Variants in TBC1D5 observed in about 807,000 individuals in gnomAD.
TBC1D5 encodes TBC1 domain family member 5, also known as TBC1 domain family, member 5.
TBC1D5 carries 75 observed loss-of-function variants against 100.3 expected under a neutral mutation model. That is an observed-to-expected ratio of 0.75 (90% confidence interval 0.62 to 0.91). The LOEUF (loss-of-function observed/expected upper bound fraction) is 0.91, where lower values mean the gene tolerates loss of function less well. TBC1D5 is among the 40% of genes least tolerant of loss of function. The pLI is 0.00. For synonymous variants in TBC1D5, 323 were observed against 325.6 expected (o/e 0.99, Z 0.09); for missense variants, 910 against 942.4 (o/e 0.97, Z 0.45).
chr3:17,213,151 C>T (rs1327134690), intron 18 of TBC1D5, among the ~76,000 whole-genome samples: 1 of 152,126 alleles, frequency 6.6e-6, no homozygotes, highest in Non-Finnish European at 1.5e-5. Flanking sequence ...AAATACTTAA[C>T]ATTGTGTTAT....
At chr3:17,504,265 C>G (rs1481557714) in intron 3 of TBC1D5, among the ~76,000 whole-genome samples, 1 of 4,912 alleles carries the variant, frequency 2.0e-4, no homozygotes, top group African/African-American at 4.7e-4. Flanking sequence ...ACATCACACT[C>G]TGGGGACTGT....
chr3:17,679,027 G>A (rs2069081450), intron 1 of TBC1D5, among the ~76,000 whole-genome samples: 1 of 149,776 alleles, frequency 6.7e-6, no homozygotes, highest in South Asian at 2.1e-4. Flanking sequence ...GAGTAAAATA[G>A]AGTTATTTCA....
intron 14 of TBC1D5, among the ~76,000 whole-genome samples, chr3:17,296,220 CAAAAA>C (rs2150253744): frequency 6.6e-6 from 1 of 152,066 alleles, no homozygotes; most frequent in Non-Finnish European, 1.5e-5. Context: ...AATGAGCTAA[CAAAAA>C]AGAAAACCTT....
At chr3:17,633,307 G>A (rs929585995) in intron 1 of TBC1D5, among the ~76,000 whole-genome samples, 1 of 152,014 alleles carries the variant, frequency 6.6e-6, no homozygotes, top group Non-Finnish European at 1.5e-5. Context: ...GTGTGGTGGT[G>A]CACACCTATA....
chr3:17,465,130 C>T (rs1255409590), intron 3 of TBC1D5: 2 of 152,234 alleles, frequency 1.3e-5, no homozygotes, highest in Non-Finnish European at 2.9e-5. Flanking sequence ...AAATCACACC[C>T]CCAACGTGGG....
chr3:17,430,512 T>C (rs1003365979), intron 3 of TBC1D5, among the ~76,000 whole-genome samples: 10 of 149,190 alleles, frequency 6.7e-5, no homozygotes, highest in Non-Finnish European at 1.4e-4. Flanking sequence ...AAAATGGTAA[T>C]AGGGAAAAAA....
intron 4 of TBC1D5, 139 bp from the exon 5 acceptor site, chr3:17,406,665 C>G: frequency 1.5e-6 from 1 of 646,682 alleles, no homozygotes; most frequent in East Asian, 2.9e-5. Context: ...TGTACTGTTT[C>G]TGAACGCATG....
intron 3 of TBC1D5, among the ~76,000 whole-genome samples, chr3:17,477,590 TAA>T (rs1168366387): frequency 6.6e-6 from 1 of 152,050 alleles, no homozygotes; most frequent in Non-Finnish European, 1.5e-5. Flanking sequence ...TACAACTGTA[TAA>T]GTCATTGTAT....
chr3:17,179,036 C>T (rs2068136132), intron 19 of TBC1D5, among the ~76,000 whole-genome samples: 1 of 152,084 alleles, frequency 6.6e-6, no homozygotes, highest in African/African-American at 2.4e-5. Flanking sequence ...CACCCTCGAA[C>T]TCCTGGCCTC....
chr3:17,492,737 T>C (rs1168984828), intron 3 of TBC1D5, among the ~76,000 whole-genome samples: 2 of 152,188 alleles, frequency 1.3e-5, no homozygotes, highest in Non-Finnish European at 2.9e-5. Context: ...TACTCGGACA[T>C]AAATTTCCAT....
At chr3:17,449,903 A>T (rs941642240) in intron 3 of TBC1D5, among the ~76,000 whole-genome samples, 1 of 152,186 alleles carries the variant, frequency 6.6e-6, no homozygotes, top group African/African-American at 2.4e-5. Context: ...CTGCCTCCTC[A>T]AGTGGGTCCC....
At chr3:17,211,454 C>T (rs954726808) in intron 18 of TBC1D5, among the ~76,000 whole-genome samples, 3 of 152,232 alleles carry the variant, frequency 2.0e-5, no homozygotes, top group Non-Finnish European at 4.4e-5. Flanking sequence ...TCTCAGACCA[C>T]AGACATTTTG....
intron 3 of TBC1D5, among the ~76,000 whole-genome samples, chr3:17,495,856 A>C (rs1178478017): frequency 6.6e-6 from 1 of 152,236 alleles, no homozygotes. Context: ...CTACTTTATG[A>C]TGTTCAGAAA....
At chr3:17,324,616 C>A (rs1173344356) in intron 13 of TBC1D5, among the ~76,000 whole-genome samples, 1 of 152,062 alleles carries the variant, frequency 6.6e-6, no homozygotes, top group African/African-American at 2.4e-5. Context: ...TGCACTCTAT[C>A]CTCGACAACA....
chr3:17,555,351 T>G (rs187225706), intron 2 of TBC1D5, among the ~76,000 whole-genome samples: 1 of 152,304 alleles, frequency 6.6e-6, no homozygotes, highest in Non-Finnish European at 1.5e-5. Flanking sequence ...GTTTCAGGGA[T>G]ACATACGACA....
intron 1 of TBC1D5, among the ~76,000 whole-genome samples, chr3:17,709,416 C>A (rs1449859038): frequency 6.6e-6 from 1 of 152,152 alleles, no homozygotes; most frequent in African/African-American, 2.4e-5. Context: ...TCCCCTCCCA[C>A]CCTAAATCCA....
intron 1 of TBC1D5, among the ~76,000 whole-genome samples, chr3:17,649,895 A>G (rs1375989472): frequency 6.6e-6 from 1 of 152,190 alleles, no homozygotes; most frequent in Non-Finnish European, 1.5e-5. Context: ...AACCAACCCA[A>G]ATGTCCATCA....
chr3:17,213,102 CCTTAT>C (rs1262457205), intron 18 of TBC1D5, among the ~76,000 whole-genome samples: 1 of 152,136 alleles, frequency 6.6e-6, no homozygotes, highest in Non-Finnish European at 1.5e-5. Flanking sequence ...GTATACCTTA[CCTTAT>C]ATTTTTCTGT....
intron 15 of TBC1D5, among the ~76,000 whole-genome samples, chr3:17,263,322 T>C (rs989016570): frequency 6.7e-5 from 9 of 134,652 alleles, no homozygotes; most frequent in African/African-American, 2.6e-4. Flanking sequence ...GCTAAGATTG[T>C]GTCACTGCAC....
Sources: allele counts gnomAD v4.1 joint callset (sites outside exome capture counted in the v4.1 genomes callset), GRCh38; gene constraint gnomAD v4.1.1; transcripts MANE v1.5; gene names NCBI Gene and HGNC (gene_info 2026-07-23, HGNC 2026-07-21).